Variants in GPHN observed in about 807,000 individuals in gnomAD.
The protein encoded by GPHN is gephyrin.
In GPHN, 17 loss-of-function variants were observed where a neutral mutation model predicts 95.5. That is an observed-to-expected ratio of 0.18 (90% CI 0.12 to 0.27). The LOEUF is 0.27. GPHN is among the 10% of genes least tolerant of loss of function. The pLI, the probability that GPHN is intolerant of heterozygous loss-of-function variation, is 1.00. For synonymous variants in GPHN, 320 were observed against 322.5 expected (o/e 0.99, Z 0.08); for missense variants, 660 against 978.1 (o/e 0.67, Z 4.34).
the GPHN span, among the ~76,000 whole-genome samples, chr14:67,430,644 G>A: frequency 9.2e-5 from 14 of 152,186 alleles, no homozygotes; most frequent in Non-Finnish European, 1.9e-4. Flanking sequence ...AACGGGGCCT[G>A]TGGAGTGGAG....
At chr14:67,429,316 C>T in the GPHN span, among the ~76,000 whole-genome samples, 2 of 151,248 alleles carry the variant, frequency 1.3e-5, no homozygotes, top group African/African-American at 2.4e-5. Flanking sequence ...CTGCAACATC[C>T]GGCTCCCGGG....
intron 1 of GPHN, among the ~76,000 whole-genome samples, chr14:66,524,827 T>G (rs1224000073): frequency 6.6e-6 from 1 of 152,186 alleles, no homozygotes; most frequent in African/African-American, 2.4e-5. Flanking sequence ...GGACCTGAAC[T>G]CATCCTTTTT....
intron 10 of GPHN, among the ~76,000 whole-genome samples, chr14:67,041,798 C>T (rs959268433): frequency 6.6e-6 from 1 of 152,210 alleles, no homozygotes; most frequent in East Asian, 1.9e-4. Flanking sequence ...GCCACACTGT[C>T]TTCCACAATG....
At chr14:67,670,158 G>A in the GPHN span, among the ~76,000 whole-genome samples, 2 of 152,176 alleles carry the variant, frequency 1.3e-5, no homozygotes, top group Non-Finnish European at 2.9e-5. Flanking sequence ...ACAGTCCCCT[G>A]TACCCAGATT....
chr14:66,622,321 T>C (rs371103433), intron 1 of GPHN, among the ~76,000 whole-genome samples: 1 of 152,220 alleles, frequency 6.6e-6, no homozygotes, highest in African/African-American at 2.4e-5. Context: ...TGGGGACCCT[T>C]GGCCCGGCCC....
At chr14:66,733,394 T>C (rs976717021) in intron 2 of GPHN, among the ~76,000 whole-genome samples, 1 of 152,104 alleles carries the variant, frequency 6.6e-6, no homozygotes, top group Non-Finnish European at 1.5e-5. Flanking sequence ...GCATTTCTTA[T>C]TAGAATTCAT....
chr14:66,653,053 C>A (rs2065122787), intron 1 of GPHN, among the ~76,000 whole-genome samples: 1 of 152,160 alleles, frequency 6.6e-6, no homozygotes, highest in African/African-American at 2.4e-5. Flanking sequence ...TGTTTCTCTG[C>A]AGTTCCTTCA....
chr14:67,673,306 T>C, the GPHN span, among the ~76,000 whole-genome samples: 2 of 151,978 alleles, frequency 1.3e-5, no homozygotes, highest in South Asian at 4.1e-4. Flanking sequence ...ATCGTGCCAC[T>C]GCACTCCAGC....
chr14:66,762,457 A>G (rs528563498), intron 2 of GPHN, among the ~76,000 whole-genome samples: 1 of 152,056 alleles, frequency 6.6e-6, no homozygotes, highest in Non-Finnish European at 1.5e-5. Flanking sequence ...TTACCTTTCC[A>G]TGGTGTAAAA....
chr14:66,579,798 C>T (rs80045645), intron 1 of GPHN, among the ~76,000 whole-genome samples: 2,909 of 151,812 alleles, frequency 0.019, 44 homozygotes, highest in Middle Eastern at 0.034. Context: ...AACACATCAT[C>T]GACTTAGAAA....
At chr14:67,662,590 AG>A in the GPHN span, 1 of 1,492,454 alleles carries the variant, frequency 6.7e-7, no homozygotes, top group Non-Finnish European at 9.2e-7. Context: ...ACATTTGTAA[AG>A]GCCATTCCCT....
the GPHN span, among the ~76,000 whole-genome samples, chr14:67,700,384 T>G: frequency 1.3e-5 from 2 of 151,944 alleles, no homozygotes; most frequent in African/African-American, 2.4e-5. Flanking sequence ...AGATAAACAT[T>G]TTAGCATCAG....
chr14:66,998,622 C>G (rs543439661), intron 9 of GPHN, among the ~76,000 whole-genome samples: 1 of 152,144 alleles, frequency 6.6e-6, no homozygotes, highest in East Asian at 1.9e-4. Context: ...ATGGCTCGAT[C>G]TCTTCTTTCC....
At chr14:67,720,636 G>T in the GPHN span, among the ~76,000 whole-genome samples, 7 of 152,014 alleles carry the variant, frequency 4.6e-5, no homozygotes, top group Admixed American at 2.0e-4. Flanking sequence ...TGTGTATTTG[G>T]GTCTATTTCT....
chr14:66,509,938 C>T (rs2057974236), intron 1 of GPHN, among the ~76,000 whole-genome samples: 1 of 152,066 alleles, frequency 6.6e-6, no homozygotes, highest in Non-Finnish European at 1.5e-5. Flanking sequence ...CCAAAGCCTC[C>T]TTTTTTCTCT....
intron 10 of GPHN, among the ~76,000 whole-genome samples, chr14:67,052,043 A>G (rs1161331522): frequency 6.6e-6 from 1 of 152,340 alleles, no homozygotes. Context: ...CTTCGAAGCA[A>G]CTACATCAAC....
rs567691231 is a variant in GPHN, at chr14:66,617,740, AT to A, written c.65-63360del. On this transcript the variant is annotated intron_variant, in intron 1 of 22. Coordinates refer to ENST00000478722, the MANE Select transcript of GPHN (RefSeq NM_020806.5). Reference sequence around the variant, plus strand: ...TCATAAATGGATATTGAATTTTATTATTTTTTTAATTATTGAAATTATAGTT... The same window carrying A: ...TCATAAATGGATATTGAATTTTATTATTTTTTAATTATTGAAATTATAGTT... Among the ~76,000 whole-genome samples the A allele has an allele frequency of 1.8e-3, 270 of 152,108 alleles. 1 individual carries two copies. The highest frequency in any genetic ancestry group is 6.2e-3 in the African/African-American group (256 of 41,512).
chr14:67,232,963 A>G, the GPHN span, among the ~76,000 whole-genome samples: 4 of 152,204 alleles, frequency 2.6e-5, no homozygotes, highest in African/African-American at 7.2e-5. Flanking sequence ...CTACAAATTT[A>G]AAACCATTTA....
chr14:66,901,048 T>A (rs1319754619), intron 5 of GPHN, among the ~76,000 whole-genome samples: 2 of 152,086 alleles, frequency 1.3e-5, no homozygotes, highest in African/African-American at 4.8e-5. Context: ...CTTACCAGCA[T>A]GTGTTACTGC....
Sources: gnomAD v4.1 joint callset for allele counts (sites outside exome capture counted in the v4.1 genomes callset) on GRCh38, gnomAD v4.1.1 for gene constraint, MANE v1.5 for transcripts, NCBI Gene and HGNC (gene_info 2026-07-23, HGNC 2026-07-21) for gene names.